Variants in LINGO2 observed in about 807,000 individuals in gnomAD.
LINGO2 encodes the protein leucine-rich repeat and immunoglobulin-like domain-containing nogo receptor-interacting protein 2.
In LINGO2, 14 loss-of-function variants were observed where a neutral mutation model predicts 30.6. That is an observed-to-expected ratio of 0.46 (90% CI 0.30 to 0.72). LINGO2 has a LOEUF of 0.72. Among genes scored for constraint, LINGO2 ranks in the 30% least tolerant of loss-of-function variants. LINGO2 has a pLI of 0.07. For missense variants in LINGO2, 729 were observed against 751.7 expected, an observed-to-expected ratio of 0.97 and a Z score of 0.35; for synonymous variants, 317 against 288.5, an observed-to-expected ratio of 1.10 and a Z score of -1.00.
intron 2 of LINGO2, among the ~76,000 whole-genome samples, chr9:28,404,962 A>G (rs1822437737): frequency 1.3e-5 from 2 of 151,460 alleles, no homozygotes; most frequent in African/African-American, 2.4e-5. Context: ...TGAGCTTGCC[A>G]TATAAACCTT....
At chr9:28,328,237 C>G (rs142440063) in intron 3 of LINGO2, among the ~76,000 whole-genome samples, 333 of 152,230 alleles carry the variant, frequency 2.2e-3, no homozygotes, top group Non-Finnish European at 4.2e-3. Flanking sequence ...GCAGCTGTTA[C>G]TTGCCTTTTG....
chr9:29,134,453 A>T, the LINGO2 span, among the ~76,000 whole-genome samples: 1,710 of 151,768 alleles, frequency 0.011, 31 homozygotes, highest in African/African-American at 0.039. Flanking sequence ...TAACCATGTG[A>T]TTTTTTTTAT....
the LINGO2 span, among the ~76,000 whole-genome samples, chr9:29,160,069 T>C: frequency 2.0e-5 from 3 of 152,324 alleles, no homozygotes; most frequent in East Asian, 1.9e-4. Context: ...TCAATCTTTA[T>C]AGTATATCAG....
chr9:28,647,893 C>CTTTTTTT (rs5897315), intron 1 of LINGO2, among the ~76,000 whole-genome samples: 1 of 130,242 alleles, frequency 7.7e-6, no homozygotes, highest in African/African-American at 2.8e-5. Context: ...TTCTTTCTTT[C>CTTTTTTT]TTTTTTTTTT....
rs57703979 is a variant in LINGO2, at chr9:28,491,835, G to C, written c.-364-15810C>G. Among the ~76,000 whole-genome samples, 167 of 152,272 alleles carry C rather than the reference G, an allele frequency of 1.1e-3. 1 individual carries two copies. The highest frequency in any genetic ancestry group is 3.8e-3 in the African/African-American group (156 of 41,566). ...TGGGATTAGAAATATAATAACATGA[G>C]AATGCTTATACTATAATCTTATGAG... On this transcript the variant is annotated intron_variant, in intron 1 of 5. Transcript: ENST00000379992.
At chr9:29,028,871 T>C in the LINGO2 span, among the ~76,000 whole-genome samples, 1 of 152,122 alleles carries the variant, frequency 6.6e-6, no homozygotes, top group African/African-American at 2.4e-5. Flanking sequence ...CCAAGCTTGG[T>C]TCAAAGCTCA....
chr9:28,151,058 A>G (rs1399059368), intron 4 of LINGO2, among the ~76,000 whole-genome samples: 1 of 152,250 alleles, frequency 6.6e-6, no homozygotes, highest in Non-Finnish European at 1.5e-5. Context: ...AGCCAGAGTA[A>G]CACTAATAAC....
chr9:29,133,181 A>G, the LINGO2 span, among the ~76,000 whole-genome samples: 1 of 152,182 alleles, frequency 6.6e-6, no homozygotes, highest in African/African-American at 2.4e-5. Flanking sequence ...TATATCTTCT[A>G]TTAATAAAGA....
intron 4 of LINGO2, among the ~76,000 whole-genome samples, chr9:28,221,433 C>T (rs1820964495): frequency 1.3e-5 from 2 of 149,674 alleles, no homozygotes; most frequent in South Asian, 4.3e-4. Context: ...TACTTCAAAT[C>T]ATCATGTTTT....
chr9:28,911,343 TC>T, the LINGO2 span, among the ~76,000 whole-genome samples: 2 of 152,020 alleles, frequency 1.3e-5, no homozygotes, highest in African/African-American at 4.8e-5. Context: ...AAGCATATTG[TC>T]TTTTCTTTAT....
chr9:28,046,385 T>G (rs1824422665), intron 4 of LINGO2, among the ~76,000 whole-genome samples: 1 of 152,166 alleles, frequency 6.6e-6, no homozygotes, highest in Non-Finnish European at 1.5e-5. Context: ...ACCCTCACTT[T>G]CCGATTCAGT....
the LINGO2 span, among the ~76,000 whole-genome samples, chr9:29,097,092 ACATTCATATTT>A: frequency 7.2e-6 from 1 of 139,030 alleles, no homozygotes; most frequent in South Asian, 2.2e-4. Context: ...TTGATATTAA[ACATTCATATTT>A]TAAAATATGT....
chr9:28,265,245 TC>T (rs1193931960), intron 4 of LINGO2, among the ~76,000 whole-genome samples: 1 of 151,866 alleles, frequency 6.6e-6, no homozygotes, highest in East Asian at 1.9e-4. Flanking sequence ...GATGGATACA[TC>T]ACCTCTTCTG....
At chr9:28,803,031 G>C in the LINGO2 span, among the ~76,000 whole-genome samples, 2 of 152,024 alleles carry the variant, frequency 1.3e-5, no homozygotes, top group Non-Finnish European at 2.9e-5. Context: ...CTCTGGGAAA[G>C]AGAAACCAGT....
At chr9:28,731,588 GGGA>G in the LINGO2 span, among the ~76,000 whole-genome samples, 1 of 152,094 alleles carries the variant, frequency 6.6e-6, no homozygotes, top group Non-Finnish European at 1.5e-5. Context: ...AGGGATACTT[GGGA>G]ACATTTGAGG....
chr9:28,744,629 T>G, the LINGO2 span, among the ~76,000 whole-genome samples: 1 of 145,644 alleles, frequency 6.9e-6, no homozygotes, highest in Non-Finnish European at 1.5e-5. Flanking sequence ...TGTGTGTGTG[T>G]GTGTGTGTGT....
chr9:28,322,115 G>A (rs948288322), intron 3 of LINGO2, among the ~76,000 whole-genome samples: 4 of 152,084 alleles, frequency 2.6e-5, no homozygotes, highest in Admixed American at 1.3e-4. Context: ...CTAACCTTGA[G>A]ACACATGGGT....
At chr9:28,601,871 A>G (rs180971624) in intron 1 of LINGO2, among the ~76,000 whole-genome samples, 211 of 152,248 alleles carry the variant, frequency 1.4e-3, no homozygotes, top group Admixed American at 6.4e-3. Context: ...TGTTATATAA[A>G]GCTAGTGAAA....
At chr9:28,895,103 G>C in the LINGO2 span, among the ~76,000 whole-genome samples, 1 of 152,054 alleles carries the variant, frequency 6.6e-6, no homozygotes, top group Non-Finnish European at 1.5e-5. Flanking sequence ...CATCATACAT[G>C]TGTAAAAACT....
Sources: allele counts gnomAD v4.1 joint callset (sites outside exome capture counted in the v4.1 genomes callset), GRCh38; gene constraint gnomAD v4.1.1; transcripts MANE v1.5; gene names NCBI Gene and HGNC (gene_info 2026-07-23, HGNC 2026-07-21).